The following CACNB2 variants were observed in gnomAD, a reference collection of about 807,000 sequenced individuals.
The protein encoded by CACNB2 is voltage-dependent L-type calcium channel subunit beta-2.
A neutral mutation model predicts 73.3 loss-of-function variants in CACNB2; 42 were observed. The ratio of observed to expected loss-of-function variants is 0.57; its 90% CI spans 0.45 to 0.74. The LOEUF is 0.74. Among genes scored for constraint, CACNB2 ranks in the 30% least tolerant of loss-of-function variants. The pLI is 0.00. For missense variants in CACNB2, 940 were observed against 853.0 expected (o/e 1.10, Z -1.27); for synonymous variants, 348 against 310.3 (o/e 1.12, Z -1.28).
At chr10:18,492,400 CACCT>C (rs2049492328) in intron 3 of CACNB2, among the ~76,000 whole-genome samples, 2 of 152,132 alleles carry the variant, frequency 1.3e-5, no homozygotes, top group Non-Finnish European at 2.9e-5. Context: ...GCAAGCGGAT[CACCT>C]GAGGTCAACA....
At chr10:18,322,012 C>A (rs577905752) in intron 2 of CACNB2, among the ~76,000 whole-genome samples, 159 of 152,058 alleles carry the variant, frequency 1.0e-3, no homozygotes, top group African/African-American at 3.6e-3. Context: ...AAAAATTAGC[C>A]AGGCATGGTG....
At position 18,540,873 on chromosome 10, in the gene CACNB2, C is replaced by T. The variant is rs939209238; in HGVS notation, c.*1149C>T. The T allele has an allele frequency of 6.6e-6, 1 of 152,640 alleles. No homozygotes were observed. The allele number at this position is 152,640 out of a possible 1,614,324, so 9.5% of individuals were successfully genotyped here. ...TTAATTGTGCTATATGTTGCTTTAA[C>T]AACCCATTGAGCAGTCAGGGAATGT... On this transcript the variant is annotated 3_prime_UTR_variant, in exon 14 of 14. Transcript: ENST00000324631.
intron 2 of CACNB2, among the ~76,000 whole-genome samples, chr10:18,226,347 T>C (rs553003417): frequency 6.6e-6 from 1 of 152,360 alleles, no homozygotes; most frequent in Non-Finnish European, 1.5e-5. Flanking sequence ...AAGTTTCTAT[T>C]GACTGGCATC....
intron 3 of CACNB2, among the ~76,000 whole-genome samples, chr10:18,450,231 A>G (rs1304111216): frequency 6.6e-6 from 1 of 152,208 alleles, no homozygotes. Context: ...CTGAAAGTGC[A>G]TGTTTACTAA....
intron 3 of CACNB2, among the ~76,000 whole-genome samples, chr10:18,441,841 G>A (rs778847005): frequency 6.6e-5 from 10 of 152,086 alleles, no homozygotes; most frequent in African/African-American, 1.4e-4. Context: ...GGCCAGTCTC[G>A]AACTCCTGGA....
intron 3 of CACNB2, among the ~76,000 whole-genome samples, chr10:18,487,020 C>T (rs1457668610): frequency 6.6e-6 from 1 of 152,102 alleles, no homozygotes; most frequent in Non-Finnish European, 1.5e-5. Context: ...TGGTGAAACG[C>T]ATGGGGTTTC....
At chr10:18,453,781 C>T (rs1004517733) in intron 3 of CACNB2, among the ~76,000 whole-genome samples, 6 of 152,166 alleles carry the variant, frequency 3.9e-5, no homozygotes, top group African/African-American at 1.4e-4. Context: ...AGGCGTGCAC[C>T]ACCATGCCTG....
At chr10:18,365,515 A>G (rs1054196782) in intron 2 of CACNB2, among the ~76,000 whole-genome samples, 1 of 152,174 alleles carries the variant, frequency 6.6e-6, no homozygotes, top group Non-Finnish European at 1.5e-5. Context: ...ATTTTAATCT[A>G]TACAACCTCA....
intron 2 of CACNB2, among the ~76,000 whole-genome samples, chr10:18,393,362 C>G (rs577747393): frequency 6.6e-6 from 1 of 152,266 alleles, no homozygotes; most frequent in Non-Finnish European, 1.5e-5. Flanking sequence ...AATTGCCCCT[C>G]TAATTTTAAC....
At chr10:18,226,026 T>A (rs1375474869) in intron 2 of CACNB2, among the ~76,000 whole-genome samples, 1 of 138,836 alleles carries the variant, frequency 7.2e-6, no homozygotes, top group Non-Finnish European at 1.5e-5. Flanking sequence ...TTTTCTTTTC[T>A]TTTCTTTTTT....
intron 2 of CACNB2, among the ~76,000 whole-genome samples, chr10:18,399,144 T>G (rs940195975): frequency 9.2e-5 from 14 of 152,096 alleles, no homozygotes; most frequent in Admixed American, 8.5e-4. Context: ...GCGGGGTGAT[T>G]GGGTCTAACA....
At chr10:18,284,616 G>T (rs1019485290) in intron 2 of CACNB2, among the ~76,000 whole-genome samples, 1 of 152,170 alleles carries the variant, frequency 6.6e-6, no homozygotes, top group Admixed American at 6.5e-5. Flanking sequence ...TCACAGAAGG[G>T]TTTGCATATT....
At chr10:18,199,941 CTG>C (rs141377460) in intron 2 of CACNB2, among the ~76,000 whole-genome samples, 15,820 of 136,352 alleles carry the variant, frequency 0.12, 968 homozygotes, top group East Asian at 0.16. Flanking sequence ...GTATATGAAA[CTG>C]TGTGTGTGTG....
At chr10:18,266,282 T>C (rs1362079197) in intron 2 of CACNB2, among the ~76,000 whole-genome samples, 1 of 152,228 alleles carries the variant, frequency 6.6e-6, no homozygotes, top group Non-Finnish European at 1.5e-5. Context: ...CCACAGAGTC[T>C]GAGGATGGTC....
At chr10:18,180,076 G>C (rs763249497) in intron 2 of CACNB2, among the ~76,000 whole-genome samples, 11 of 152,178 alleles carry the variant, frequency 7.2e-5, no homozygotes, top group African/African-American at 2.7e-4. Flanking sequence ...TTCTGATTTA[G>C]CGTATCAGCG....
intron 2 of CACNB2, among the ~76,000 whole-genome samples, chr10:18,242,929 G>T (rs2036717030): frequency 6.7e-6 from 1 of 150,044 alleles, no homozygotes; most frequent in Non-Finnish European, 1.5e-5. Context: ...AGAATGGCAT[G>T]AACCCGGGAG....
intron 2 of CACNB2, among the ~76,000 whole-genome samples, chr10:18,334,305 T>C (rs1046000132): frequency 3.3e-5 from 5 of 152,100 alleles, no homozygotes; most frequent in African/African-American, 9.7e-5. Context: ...GCTACTCCAG[T>C]GGCGTCTGTG....
chr10:18,384,904 G>A (rs1023714244), intron 2 of CACNB2, among the ~76,000 whole-genome samples: 9 of 151,992 alleles, frequency 5.9e-5, no homozygotes, highest in African/African-American at 1.9e-4. Context: ...AAGCAACCAC[G>A]GTGACCAGGT....
intron 2 of CACNB2, among the ~76,000 whole-genome samples, chr10:18,224,611 A>C (rs1395394566): frequency 2.0e-5 from 3 of 152,130 alleles, no homozygotes; most frequent in African/African-American, 7.2e-5. Context: ...TTCTGATAGA[A>C]CCTGGATGAG....
Sources: allele counts gnomAD v4.1 joint callset (sites outside exome capture counted in the v4.1 genomes callset), GRCh38; gene constraint gnomAD v4.1.1; transcripts MANE v1.5; gene names NCBI Gene and HGNC (gene_info 2026-07-23, HGNC 2026-07-21).